Variants in MAN1B1 observed in about 807,000 individuals in gnomAD.
MAN1B1 encodes the protein endoplasmic reticulum mannosyl-oligosaccharide 1,2-alpha-mannosidase.
In MAN1B1, 66 loss-of-function variants were observed where a neutral mutation model predicts 75.5. The ratio of observed to expected loss-of-function variants is 0.87; its 90% CI spans 0.72 to 1.07. MAN1B1 has a LOEUF of 1.07. Among genes scored for constraint, MAN1B1 ranks in the 50% least tolerant of loss-of-function variants. The probability of loss-of-function intolerance (pLI) is 0.00; values close to 1 mark genes in which losing one functional copy is unlikely to be tolerated. For synonymous variants in MAN1B1, 453 were observed against 382.8 expected (o/e 1.18, Z -2.14); for missense variants, 973 against 912.5 (o/e 1.07, Z -0.85).
At chr9:137,108,309 T>TCC (rs1403541542) in intron 12 of MAN1B1, 79 bp from the exon 13 acceptor site, 5 of 1,255,374 alleles carry the variant, frequency 4.0e-6, no homozygotes, top group Non-Finnish European at 5.8e-6. Context: ...CACCATGGGG[T>TCC]GGAGAGCGCT....
intron 8 of MAN1B1, chr9:137,102,902 G>A: frequency 3.2e-6 from 1 of 308,714 alleles, no homozygotes; most frequent in East Asian, 9.0e-5. Context: ...GTGCAGGTCA[G>A]TGGTGTTACA....
intron 1 of MAN1B1, 50 bp downstream of exon 1, chr9:137,087,268 C>T (rs1443363931): frequency 5.9e-6 from 9 of 1,537,026 alleles, no homozygotes; most frequent in Non-Finnish European, 8.8e-7. Context: ...GTGCCCGCCG[C>T]CCTCCCAGAC....
chr9:137,088,463 C>A, intron 2 of MAN1B1: 1 of 1,507,688 alleles, frequency 6.6e-7, no homozygotes, highest in Non-Finnish European at 8.9e-7. Flanking sequence ...AACACTCAGC[C>A]TAAATAACCA....
chr9:137,091,438 T>A (rs1830509333), intron 3 of MAN1B1, among the ~76,000 whole-genome samples: 1 of 152,080 alleles, frequency 6.6e-6, no homozygotes, highest in Non-Finnish European at 1.5e-5. Flanking sequence ...TGTCTAGACC[T>A]GGTTAGGGAT....
chr9:137,104,613 C>T (rs950424490), intron 8 of MAN1B1: 25 of 170,674 alleles, frequency 1.5e-4, no homozygotes, highest in Non-Finnish European at 3.8e-5. Context: ...ATTCCTTTTT[C>T]AGGCTGAATA....
Position 137,099,754 on chromosome 9 carries a change from A to T in MAN1B1, c.789A>T (p.Gly263=), listed in dbSNP as rs766759452. Residue 263 remains glycine (G), a synonymous_variant, in exon 6 of 13, where the codon GGA becomes GGT. Coordinates refer to ENST00000371589, the MANE Select transcript of MAN1B1 (RefSeq NM_016219.5). ...ACGTCTTCCTGCATGCATGGAAAGG[A>T]TACCGCAAGTTTGCATGGGGCCATG... ...VIDVFLHAWK[G]YRKFAWGHDE... 2.5e-6 allele frequency: 4 copies of T among 1,614,206 alleles called. No individual in the cohort carries two copies. Among genetic ancestry groups the T allele is most frequent in the East Asian group, 4.5e-5 (2 of 44,882 alleles).
chr9:137,102,919 C>A (rs140217394), intron 8 of MAN1B1: 160 of 333,762 alleles, frequency 4.8e-4, no homozygotes, highest in Admixed American at 1.1e-3. Flanking sequence ...TACACACATT[C>A]ACGCTGTTGC....
chr9:137,102,190 G>A (rs75172982), intron 8 of MAN1B1: 28 of 434,368 alleles, frequency 6.4e-5, no homozygotes, highest in South Asian at 2.8e-4. Flanking sequence ...AGTACAGGTC[G>A]GTGGTGTTAC....
chr9:137,090,187 C>G (rs1056000857), intron 3 of MAN1B1, among the ~76,000 whole-genome samples: 14 of 152,108 alleles, frequency 9.2e-5, no homozygotes. Context: ...GTTGAGAACA[C>G]CAGGGTGGTG....
At chr9:137,099,644 G>A (rs1830750645) in intron 5 of MAN1B1, 52 bp from the exon 6 acceptor site, 1 of 1,586,258 alleles carries the variant, frequency 6.3e-7, no homozygotes, top group African/African-American at 1.3e-5. Context: ...GTCCATCTGT[G>A]CCGACGCCAG....
Position 137,087,030 on chromosome 9 carries a change from G to T in MAN1B1, c.31G>T (p.Ala11Ser). Reference protein sequence around the residue: MAACEGRRSGALGSSQSDFLT... With the variant: MAACEGRRSGSLGSSQSDFLT... ...TGCCTGCGAGGGCAGGAGAAGCGGAGCTCTCGGTTCCTCTCAGTCGGACTT... is the reference window on the plus strand; with the variant it reads ...TGCCTGCGAGGGCAGGAGAAGCGGATCTCTCGGTTCCTCTCAGTCGGACTT... Residue 11 changes from alanine to serine, a missense_variant, in exon 1 of 13, where the codon GCT becomes TCT. By Grantham distance (99) the Ala-to-Ser change is moderately conservative. Transcript: ENST00000371589. 1 of 1,602,434 alleles carries T rather than the reference G, an allele frequency of 6.2e-7. No individual in the cohort carries two copies.
At chr9:137,105,670 G>A (rs775158881) in intron 8 of MAN1B1, 4 of 335,074 alleles carry the variant, frequency 1.2e-5, no homozygotes, top group African/African-American at 2.2e-5. Flanking sequence ...TGACTTGGAG[G>A]ATGAGTAGGA....
At chr9:137,099,001 T>C (rs1352085508) in intron 5 of MAN1B1, among the ~76,000 whole-genome samples, 2 of 152,174 alleles carry the variant, frequency 1.3e-5, no homozygotes, top group African/African-American at 2.4e-5. Flanking sequence ...GGCTAATTTT[T>C]GTATTTTTAG....
chr9:137,101,222 C>G, intron 7 of MAN1B1, 69 bp downstream of exon 7: 3 of 1,574,558 alleles, frequency 1.9e-6, no homozygotes, highest in Non-Finnish European at 2.6e-6. Context: ...CTTTAGTGGA[C>G]TTGTGGGGAC....
rs1488550598 is a variant in MAN1B1, at chr9:137,088,172, A to G, written c.317A>G (p.Asp106Gly). Reference protein sequence around the residue: ...CGLLFYINLADHWKALAFRLE... With the variant: ...CGLLFYINLAGHWKALAFRLE... ...CTCCTCTTCTACATCAACTTGGCTG[A>G]CCATTGGAAAGGTATCAGAAACACG... The change falls in exon 2 of 13, where the codon GAC (aspartate) becomes GGC (glycine). Residue 106 changes from aspartate (D) to glycine (G), a missense_variant. Transcript: ENST00000371589. 1.2e-6 allele frequency: 2 copies of G among 1,614,128 alleles called. No individual in the cohort carries two copies. Among genetic ancestry groups the G allele is most frequent in the Non-Finnish European group, 1.7e-6 (2 of 1,180,016 alleles).
chr9:137,106,068 G>C (rs1457492362), intron 8 of MAN1B1, 57 bp from the exon 9 acceptor site: 1 of 1,420,774 alleles, frequency 7.0e-7, no homozygotes, highest in African/African-American at 1.4e-5. Flanking sequence ...CCCCTCTACA[G>C]CTCACCCTGC....
Position 137,088,312 on chromosome 9 carries a change from A to T in MAN1B1, c.328+129A>T, listed in dbSNP as rs147996464. ...CAACGAATTGGCAAGAAATCAAGAT[A>T]AAGAGAAAGGTAGAGCTGTATGTAA... is the stretch of plus-strand genomic sequence containing the variant. On this transcript the variant is annotated intron_variant, in intron 2 of 12. Transcript: ENST00000371589. 398 of 1,607,298 alleles carry T rather than the reference A, an allele frequency of 2.5e-4. 1 individual carries two copies. In the African/African-American group the frequency reaches 5.1e-3, roughly 21 times the overall value.
chr9:137,092,960 A>G (rs1467904965), intron 3 of MAN1B1, among the ~76,000 whole-genome samples: 1 of 152,144 alleles, frequency 6.6e-6, no homozygotes, highest in African/African-American at 2.4e-5. Context: ...TCCCTTTATT[A>G]TTAGTATGAC....
intron 8 of MAN1B1, chr9:137,105,694 G>T (rs1352688382): frequency 2.9e-6 from 1 of 347,178 alleles, no homozygotes; most frequent in Non-Finnish European, 5.6e-6. Context: ...CACCAGGAGG[G>T]CGTGGAGCCG....
Sources: allele counts gnomAD v4.1 joint callset (sites outside exome capture counted in the v4.1 genomes callset), GRCh38; gene constraint gnomAD v4.1.1; transcripts MANE v1.5; gene names NCBI Gene and HGNC (gene_info 2026-07-23, HGNC 2026-07-21).